Variants in ADCY2 observed in about 807,000 individuals in gnomAD.
The protein encoded by ADCY2 is adenylate cyclase 2.
Under a neutral mutation model 125.2 loss-of-function variants are expected in ADCY2, and 31 were observed. The ratio of observed to expected loss-of-function variants is 0.25; its 90% CI spans 0.19 to 0.33. ADCY2 has a LOEUF of 0.33. ADCY2 is among the 10% of genes least tolerant of loss of function. The probability of loss-of-function intolerance (pLI) is 1.00; values close to 1 mark genes in which losing one functional copy is unlikely to be tolerated. For missense variants in ADCY2, 904 were observed against 1,418.2 expected, an observed-to-expected ratio of 0.64 and a Z score of 5.82; for synonymous variants, 512 against 548.4, an observed-to-expected ratio of 0.93 and a Z score of 0.93.
intron 2 of ADCY2, among the ~76,000 whole-genome samples, chr5:7,416,652 G>T (rs560369180): frequency 6.6e-6 from 1 of 152,112 alleles, no homozygotes; most frequent in East Asian, 1.9e-4. Flanking sequence ...ACGACTGCAG[G>T]ATCAATATAA....
At chr5:7,424,601 G>GA (rs1403451659) in intron 2 of ADCY2, among the ~76,000 whole-genome samples, 1 of 152,192 alleles carries the variant, frequency 6.6e-6, no homozygotes, top group Non-Finnish European at 1.5e-5. Flanking sequence ...ATGTTATTTG[G>GA]AAAAACTTCG....
At chr5:7,641,053 T>A (rs1286726620) in intron 4 of ADCY2, among the ~76,000 whole-genome samples, 1 of 152,216 alleles carries the variant, frequency 6.6e-6, no homozygotes, top group Non-Finnish European at 1.5e-5. Flanking sequence ...CTATCTGTCT[T>A]GCCTGCCACT....
chr5:7,738,567 A>G (rs1341914187), intron 14 of ADCY2, among the ~76,000 whole-genome samples: 1 of 152,026 alleles, frequency 6.6e-6, no homozygotes, highest in Non-Finnish European at 1.5e-5. Flanking sequence ...ATTAAATTCA[A>G]ACATTATAAA....
chr5:7,665,629 G>C (rs2126697783), intron 4 of ADCY2, among the ~76,000 whole-genome samples: 1 of 151,992 alleles, frequency 6.6e-6, no homozygotes, highest in South Asian at 2.1e-4. Flanking sequence ...CCTGGACATG[G>C]ATGATGGTCT....
At chr5:7,447,259 T>G (rs1173875383) in intron 2 of ADCY2, among the ~76,000 whole-genome samples, 1 of 152,134 alleles carries the variant, frequency 6.6e-6, no homozygotes, top group Non-Finnish European at 1.5e-5. Flanking sequence ...CTAATTTAGG[T>G]TCTTGATGTC....
intron 4 of ADCY2, among the ~76,000 whole-genome samples, chr5:7,646,837 G>A (rs1738914426): frequency 1.3e-5 from 2 of 152,152 alleles, no homozygotes; most frequent in South Asian, 2.1e-4. Flanking sequence ...GCAAGGCATA[G>A]GGTGGAGAAT....
rs1742513524 is a variant in ADCY2 at position 7,743,697 on chromosome 5, C to T, written c.1901C>T (p.Ala634Val). Reference sequence around the variant, plus strand: ...TCCGTCCTGGGCATCTCCTTTGGGGCTGCGTTTCTCTTGCTGGCCTTCATC... The same window carrying T: ...TCCGTCCTGGGCATCTCCTTTGGGGTTGCGTTTCTCTTGCTGGCCTTCATC... ...KTSVLGISFG[A>V]AFLLLAFILF... Residue 634 changes from alanine to valine, a missense_variant, in exon 15 of 25, where the codon GCT becomes GTT. This residue lies in a region of ADCY2 where 221 missense variants were observed against 246.2 expected (regional missense o/e 0.90). Transcript: ENST00000338316. 6.2e-7 allele frequency: 1 copy of T among 1,614,134 alleles called. No individual in the cohort carries two copies. The highest frequency in any genetic ancestry group is 8.5e-7 in the Non-Finnish European group (1 of 1,180,008).
At chr5:7,476,821 C>A (rs1742543103) in intron 2 of ADCY2, among the ~76,000 whole-genome samples, 1 of 152,128 alleles carries the variant, frequency 6.6e-6, no homozygotes, top group Non-Finnish European at 1.5e-5. Flanking sequence ...GTCTTGTTTT[C>A]TAATATATAA....
intron 5 of ADCY2, chr5:7,691,538 G>A (rs1018477018): frequency 6.6e-6 from 1 of 152,112 alleles, no homozygotes; most frequent in Non-Finnish European, 1.5e-5. Context: ...GAGAAATTAT[G>A]AGGAGGCCTC....
intron 1 of ADCY2, among the ~76,000 whole-genome samples, chr5:7,405,676 A>T (rs1221068935): frequency 6.6e-6 from 1 of 152,240 alleles, no homozygotes. Context: ...AAATGGAGCC[A>T]TGTGGCTAGA....
At chr5:7,616,460 G>T (rs551066107) in intron 3 of ADCY2, among the ~76,000 whole-genome samples, 2 of 152,284 alleles carry the variant, frequency 1.3e-5, no homozygotes, top group East Asian at 3.9e-4. Flanking sequence ...TTGTTGGCTT[G>T]TTTTATTGCA....
intron 2 of ADCY2, among the ~76,000 whole-genome samples, chr5:7,462,679 T>G (rs1741955595): frequency 1.3e-5 from 2 of 152,358 alleles, no homozygotes; most frequent in Non-Finnish European, 2.9e-5. Flanking sequence ...TGACATTATA[T>G]TCAGTGTATT....
chr5:7,617,427 A>G (rs940316475), intron 3 of ADCY2, among the ~76,000 whole-genome samples: 4 of 152,216 alleles, frequency 2.6e-5, no homozygotes, highest in Non-Finnish European at 5.9e-5. Context: ...ATGTGAGGAA[A>G]TAAATGTCTG....
intron 18 of ADCY2, among the ~76,000 whole-genome samples, chr5:7,774,731 A>G (rs1451009167): frequency 6.6e-6 from 1 of 152,162 alleles, no homozygotes; most frequent in Non-Finnish European, 1.5e-5. Context: ...TGTCTTTGCA[A>G]TGACCTTGAA....
chr5:7,737,090 A>G (rs1742272207), intron 14 of ADCY2, among the ~76,000 whole-genome samples: 1 of 152,196 alleles, frequency 6.6e-6, no homozygotes, highest in Non-Finnish European at 1.5e-5. Flanking sequence ...CTACCTAACT[A>G]TTAATGATAT....
At chr5:7,442,175 C>T (rs1741039266) in intron 2 of ADCY2, among the ~76,000 whole-genome samples, 1 of 152,058 alleles carries the variant, frequency 6.6e-6, no homozygotes, top group African/African-American at 2.4e-5. Context: ...AGTCAAAATC[C>T]CCATTAGGGA....
intron 2 of ADCY2, among the ~76,000 whole-genome samples, chr5:7,472,166 C>T (rs777980871): frequency 1.3e-5 from 2 of 152,078 alleles, no homozygotes; most frequent in Non-Finnish European, 2.9e-5. Flanking sequence ...GGTTAGGCTG[C>T]TTGGTATTGT....
rs906407952 is a variant in ADCY2, at chr5:7,631,121, C to T, written c.720+4805C>T. Among the ~76,000 whole-genome samples, 3 of 151,122 alleles carry T rather than the reference C, an allele frequency of 2.0e-5. No individual in the cohort carries two copies. In the East Asian group the frequency reaches 5.8e-4, roughly 29 times the overall value. Reference sequence around the variant, plus strand: ...CTGACTTTTGATTCTGCTGTTGCATCTTCTTCCTTTTCTCTGACTCCAACC... The same window carrying T: ...CTGACTTTTGATTCTGCTGTTGCATTTTCTTCCTTTTCTCTGACTCCAACC... On this transcript the variant is annotated intron_variant, in intron 4 of 24. Coordinates refer to ENST00000338316, the MANE Select transcript of ADCY2 (RefSeq NM_020546.3).
intron 3 of ADCY2, among the ~76,000 whole-genome samples, chr5:7,601,445 G>C (rs1458197879): frequency 6.6e-6 from 1 of 152,180 alleles, no homozygotes; most frequent in Non-Finnish European, 1.5e-5. Context: ...TAAGATTTAG[G>C]TAGGACGGTA....
Sources: gnomAD v4.1 joint callset for allele counts (sites outside exome capture counted in the v4.1 genomes callset) on GRCh38, gnomAD v4.1.1 for gene constraint, gnomAD v4.1.1 regional missense constraint, MANE v1.5 for transcripts, NCBI Gene and HGNC (gene_info 2026-07-23, HGNC 2026-07-21) for gene names.